The following FBXL7 variants were observed in gnomAD, a reference collection of about 807,000 sequenced individuals.
FBXL7 encodes the protein F-box and leucine rich repeat protein 7, also known as F-box/LRR-repeat protein 7.
In FBXL7, 12 loss-of-function variants were observed where a neutral mutation model predicts 38.3. The ratio of observed to expected loss-of-function variants is 0.31; its 90% CI spans 0.20 to 0.51. FBXL7 has a LOEUF of 0.51. FBXL7 is among the 20% of genes least tolerant of loss of function. FBXL7 has a pLI of 0.98. For missense variants in FBXL7, 567 were observed against 676.4 expected, an observed-to-expected ratio of 0.84 and a Z score of 1.79; for synonymous variants, 297 against 300.9, an observed-to-expected ratio of 0.99 and a Z score of 0.13.
chr5:15,608,274 G>C (rs145878152), intron 1 of FBXL7, among the ~76,000 whole-genome samples: 1 of 152,020 alleles, frequency 6.6e-6, no homozygotes, highest in Non-Finnish European at 1.5e-5. Context: ...TCTCATAGCA[G>C]CCTCTCCCAA....
chr5:15,859,769 C>T (rs540736015), intron 2 of FBXL7, among the ~76,000 whole-genome samples: 41 of 152,248 alleles, frequency 2.7e-4, no homozygotes, highest in South Asian at 1.2e-3. Context: ...AGATGAGATT[C>T]GGGTGAGGAC....
chr5:15,734,814 C>T (rs1183656934), intron 2 of FBXL7, among the ~76,000 whole-genome samples: 1 of 152,148 alleles, frequency 6.6e-6, no homozygotes, highest in South Asian at 2.1e-4. Flanking sequence ...TGAAAGTAGA[C>T]CTTACATATA....
intron 2 of FBXL7, among the ~76,000 whole-genome samples, chr5:15,769,131 G>A (rs1736666599): frequency 6.6e-6 from 1 of 152,154 alleles, no homozygotes; most frequent in Admixed American, 6.6e-5. Context: ...TTCCCACATG[G>A]CCTTTGGCAC....
intron 2 of FBXL7, among the ~76,000 whole-genome samples, chr5:15,888,516 A>G (rs1740775109): frequency 6.6e-6 from 1 of 152,152 alleles, no homozygotes; most frequent in Non-Finnish European, 1.5e-5. Flanking sequence ...GGTATGAGCT[A>G]TAAACACCAC....
At chr5:15,501,882 G>GTA (rs1360553563) in intron 1 of FBXL7, among the ~76,000 whole-genome samples, 1 of 150,386 alleles carries the variant, frequency 6.6e-6, no homozygotes, top group Non-Finnish European at 1.5e-5. Flanking sequence ...GTGTGTGTGT[G>GTA]TGTGTGTGTG....
At chr5:15,569,093 A>G (rs1270804042) in intron 1 of FBXL7, among the ~76,000 whole-genome samples, 3 of 152,100 alleles carry the variant, frequency 2.0e-5, no homozygotes, top group Admixed American at 1.3e-4. Flanking sequence ...GATTCCATAT[A>G]AACTTTAAAG....
chr5:15,710,342 A>G (rs1743822871), intron 2 of FBXL7, among the ~76,000 whole-genome samples: 1 of 152,116 alleles, frequency 6.6e-6, no homozygotes, highest in Non-Finnish European at 1.5e-5. Flanking sequence ...GGAGTACACC[A>G]GAAACATGAC....
chr5:15,533,314 C>T (rs555005406), intron 1 of FBXL7, among the ~76,000 whole-genome samples: 1 of 152,184 alleles, frequency 6.6e-6, no homozygotes, highest in East Asian at 1.9e-4. Context: ...CTCGTGGGGA[C>T]AAATTGTTTT....
chr5:15,701,513 TTTAA>T (rs1163744972), intron 2 of FBXL7, among the ~76,000 whole-genome samples: 2 of 152,196 alleles, frequency 1.3e-5, no homozygotes, highest in Admixed American at 6.5e-5. Flanking sequence ...TTGTGTACTA[TTTAA>T]TTAATTAATA....
intron 2 of FBXL7, among the ~76,000 whole-genome samples, chr5:15,788,218 G>T (rs1737181451): frequency 6.6e-6 from 1 of 152,146 alleles, no homozygotes; most frequent in African/African-American, 2.4e-5. Flanking sequence ...TATCTGCAAA[G>T]ATTCTGTTTC....
chr5:15,749,146 G>A (rs1427188699), intron 2 of FBXL7, among the ~76,000 whole-genome samples: 1 of 150,204 alleles, frequency 6.7e-6, no homozygotes, highest in East Asian at 2.0e-4. Flanking sequence ...TTGGGAGGCT[G>A]AGGCAGGAGA....
intron 1 of FBXL7, among the ~76,000 whole-genome samples, chr5:15,610,777 G>A (rs1192916330): frequency 5.3e-5 from 8 of 152,048 alleles, no homozygotes; most frequent in Non-Finnish European, 5.9e-5. Flanking sequence ...GATTTGTTGG[G>A]TATTTCCTAG....
intron 1 of FBXL7, among the ~76,000 whole-genome samples, chr5:15,534,358 T>C (rs111848250): frequency 0.025 from 1,446 of 57,080 alleles, 25 homozygotes; most frequent in African/African-American, 0.098. Context: ...CAACCACCAG[T>C]CTTTCTGCCC....
intron 2 of FBXL7, among the ~76,000 whole-genome samples, chr5:15,925,069 C>CTCCG (rs1554034650): frequency 1.7e-4 from 26 of 152,126 alleles, no homozygotes; most frequent in Non-Finnish European, 2.6e-4. Context: ...AGGAAATATA[C>CTCCG]TCTGTCTGAG....
chr5:15,619,181 C>T (rs1330777295), intron 2 of FBXL7, among the ~76,000 whole-genome samples: 1 of 152,136 alleles, frequency 6.6e-6, no homozygotes, highest in Non-Finnish European at 1.5e-5. Context: ...TCCTTTTTCC[C>T]CGGTGGCATG....
At chr5:15,847,225 A>T (rs1358103966) in intron 2 of FBXL7, among the ~76,000 whole-genome samples, 1 of 152,344 alleles carries the variant, frequency 6.6e-6, no homozygotes, top group Admixed American at 6.5e-5. Flanking sequence ...ATTGACTCAC[A>T]GTTCAACATG....
intron 1 of FBXL7, among the ~76,000 whole-genome samples, chr5:15,529,053 G>C (rs1737339484): frequency 6.6e-6 from 1 of 152,076 alleles, no homozygotes; most frequent in Admixed American, 6.5e-5. Flanking sequence ...AATTTTGTGT[G>C]CTCTGACCAG....
chr5:15,679,585 G>T (rs1742780657), intron 2 of FBXL7, among the ~76,000 whole-genome samples: 1 of 143,142 alleles, frequency 7.0e-6, no homozygotes. Flanking sequence ...TTTCAGAATG[G>T]TGTCTCTCAC....
At chr5:15,682,986 A>C (rs1213219437) in intron 2 of FBXL7, among the ~76,000 whole-genome samples, 1 of 152,258 alleles carries the variant, frequency 6.6e-6, no homozygotes, top group East Asian at 1.9e-4. Flanking sequence ...ATAATAAATA[A>C]ACTGTAGCCC....
Sources: allele counts gnomAD v4.1 joint callset (sites outside exome capture counted in the v4.1 genomes callset), GRCh38; gene constraint gnomAD v4.1.1; transcripts MANE v1.5; gene names NCBI Gene and HGNC (gene_info 2026-07-23, HGNC 2026-07-21).